Variants in MAP3K13 observed in about 807,000 individuals in gnomAD.
MAP3K13 encodes the protein leucine zipper-bearing kinase.
MAP3K13 carries 52 observed loss-of-function variants against 104.0 expected under a neutral mutation model. That is an observed-to-expected ratio of 0.50 (90% CI 0.40 to 0.63). The LOEUF (loss-of-function observed/expected upper bound fraction) is 0.63. Ranked by LOEUF, MAP3K13 falls within the 20% of genes least tolerant of loss-of-function variation. MAP3K13 has a pLI of 0.00. For synonymous variants in MAP3K13, 394 were observed against 442.2 expected (o/e 0.89, Z 1.37); for missense variants, 914 against 1,218.5 (o/e 0.75, Z 3.72).
intron 2 of MAP3K13, among the ~76,000 whole-genome samples, chr3:185,307,547 T>TCCCCCC (rs1560041671): frequency 9.1e-6 from 1 of 110,230 alleles, no homozygotes; most frequent in African/African-American, 4.1e-5. Context: ...CACCACCCCC[T>TCCCCCC]CCCCCGCCAC....
intron 1 of MAP3K13, among the ~76,000 whole-genome samples, chr3:185,407,989 A>G (rs1276481062): frequency 7.1e-6 from 1 of 141,602 alleles, no homozygotes; most frequent in Non-Finnish European, 1.5e-5. Flanking sequence ...TGATCCTCCC[A>G]CCTCGGCCTC....
intron 7 of MAP3K13, among the ~76,000 whole-genome samples, chr3:185,452,489 G>A (rs1332904043): frequency 1.3e-5 from 2 of 152,022 alleles, no homozygotes; most frequent in Non-Finnish European, 2.9e-5. Context: ...TCCCTGCCTC[G>A]GCCTCCCAAA....
At chr3:185,460,359 T>C (rs1717026625) in intron 7 of MAP3K13, among the ~76,000 whole-genome samples, 2 of 152,234 alleles carry the variant, frequency 1.3e-5, no homozygotes, top group Non-Finnish European at 2.9e-5. Context: ...TAGCCTCTTA[T>C]CAATACTGTG....
At chr3:185,346,774 A>G (rs1327242703) in intron 2 of MAP3K13, among the ~76,000 whole-genome samples, 1 of 152,134 alleles carries the variant, frequency 6.6e-6, no homozygotes, top group Non-Finnish European at 1.5e-5. Context: ...AGCCATCAGC[A>G]GTGTATAAGA....
intron 2 of MAP3K13, among the ~76,000 whole-genome samples, chr3:185,337,742 A>T (rs1722563755): frequency 6.6e-6 from 1 of 152,046 alleles, no homozygotes. Flanking sequence ...TTATAATCAG[A>T]AGGTTTAAGA....
rs1721633698 is a variant in MAP3K13 at position 185,315,184 on chromosome 3, A to G, written c.-86+29541A>G. On this transcript the variant is annotated intron_variant, in intron 2 of 14. Transcript: ENST00000424227. This position sits in a 1 kb window ranked among gnomAD's most constrained non-coding sequence, Gnocchi z 4.3. ...AGAATTGCTTGAACCTGGGAGGCGG[A>G]GGTTGCAGTGAGCTGAGATCGCACC... 6.6e-6 allele frequency among the ~76,000 whole-genome samples: 1 copy of G among 152,128 alleles called. No individual in the cohort carries two copies. The highest frequency in any genetic ancestry group is 2.1e-4 in the South Asian group (1 of 4,830).
chr3:185,336,119 A>C (rs1325447684), intron 2 of MAP3K13, among the ~76,000 whole-genome samples: 1 of 152,216 alleles, frequency 6.6e-6, no homozygotes, highest in Non-Finnish European at 1.5e-5. Flanking sequence ...GAAGTAGGAG[A>C]GGAACCAGAA....
rs1179292362 is a variant in MAP3K13 at position 185,455,237 on chromosome 3, TATATATATG to T, written c.1278+3853_1278+3861del. On this transcript the variant is annotated intron_variant, in intron 7 of 13. Coordinates refer to ENST00000265026, the MANE Select transcript of MAP3K13 (RefSeq NM_004721.5). The stretch of plus-strand genomic sequence containing the variant: ...AGATATATATATGATATATATGAGA[TATATATATG>T]ATATATATGAGATATATGAGATATA... Among the ~76,000 whole-genome samples, 130 of 47,516 alleles carry T rather than the reference TATATATATG, an allele frequency of 2.7e-3. 3 individuals are homozygous for T. The highest frequency in any genetic ancestry group is 8.2e-3 in the African/African-American group (121 of 14,688). 31.2% of individuals were successfully genotyped at this position (47,516 alleles called of 152,430 possible). A position where few individuals can be genotyped will look rare whatever the true frequency, so the allele number is the denominator to read the frequency against.
At position 185,450,047 on chromosome 3, in the gene MAP3K13, G is replaced by A. The variant is rs914886931; in HGVS notation, c.1158G>A (p.Met386Ile). The A allele has an allele frequency of 6.2e-7, 1 of 1,609,972 alleles. No homozygotes were observed. The highest frequency in any genetic ancestry group is 1.3e-5 in the African/African-American group (1 of 74,566). The change falls in exon 6 of 14, where the codon ATG becomes ATA. Residue 386 changes from methionine (M) to isoleucine (I), a missense_variant. By Grantham distance (10) the Met-to-Ile change is conservative. This residue lies in a region of MAP3K13 where 175 missense variants were observed against 321.3 expected (regional missense o/e 0.54). Transcript: ENST00000265026. This position sits in a 1 kb window ranked among gnomAD's most constrained non-coding sequence, Gnocchi z 4.2. ...GCCCTGATGGATTCAAAATCCTTATGAAACAGACGTGGTAAGAATATTGTC... is the reference window on the plus strand; with the variant it reads ...GCCCTGATGGATTCAAAATCCTTATAAAACAGACGTGGTAAGAATATTGTC... Reference protein sequence around the residue: ...STCPDGFKILMKQTWQSKPRN... With the variant: ...STCPDGFKILIKQTWQSKPRN...
intron 2 of MAP3K13, among the ~76,000 whole-genome samples, chr3:185,286,155 T>TA (rs558343251): frequency 2.0e-5 from 3 of 152,080 alleles, no homozygotes; most frequent in Admixed American, 1.3e-4. Context: ...CTTCTTCTTT[T>TA]AAAAAAAATT....
chr3:185,308,009 CTTTTTT>C (rs33949195), intron 2 of MAP3K13, among the ~76,000 whole-genome samples: 1 of 31,566 alleles, frequency 3.2e-5, no homozygotes, highest in Non-Finnish European at 5.7e-5. Flanking sequence ...TCTTTGGGGT[CTTTTTT>C]TTTTTTTTTT....
intron 1 of MAP3K13, among the ~76,000 whole-genome samples, chr3:185,375,935 G>A (rs1440949444): frequency 6.6e-6 from 1 of 152,172 alleles, no homozygotes; most frequent in Non-Finnish European, 1.5e-5. Flanking sequence ...CTTTGCAAGA[G>A]TGAGAGCTCA....
chr3:185,291,562 A>G, intron 2 of MAP3K13: 1 of 1,475,112 alleles, frequency 6.8e-7, no homozygotes, highest in Non-Finnish European at 8.9e-7. Flanking sequence ...TCCCTTAAAA[A>G]AATTATTAGA....
chr3:185,384,981 T>A (rs1711597926), intron 1 of MAP3K13, among the ~76,000 whole-genome samples: 1 of 152,246 alleles, frequency 6.6e-6, no homozygotes, highest in Non-Finnish European at 1.5e-5. Context: ...TTTTGTTTAC[T>A]GTGCTTTTGA....
intron 1 of MAP3K13, among the ~76,000 whole-genome samples, chr3:185,376,614 G>C (rs915430330): frequency 6.6e-6 from 1 of 152,062 alleles, no homozygotes; most frequent in African/African-American, 2.4e-5. Flanking sequence ...GGAAAGGGGA[G>C]TAGGGAAAGG....
rs1722588107 is a variant in MAP3K13, at chr3:185,338,320, A to G, written c.-86+52677A>G. Among the ~76,000 whole-genome samples the G allele has an allele frequency of 1.4e-5, 2 of 139,400 alleles. 1 individual carries two copies. Among genetic ancestry groups the G allele is most frequent in the African/African-American group, 5.5e-5 (2 of 36,226 alleles). The allele number at this position is 139,400 out of a possible 152,430, so 91.5% of individuals were successfully genotyped here. ...ATTCCAGCCTGGGTGACAGAGTGAG[A>G]CTCTCTCAAAAAAAAAAAAAAAAAA... is the stretch of plus-strand genomic sequence containing the variant. On this transcript the variant is annotated intron_variant, in intron 2 of 14. Coordinates refer to the MAP3K13 transcript ENST00000424227.
chr3:185,332,320 G>A (rs890564709), intron 2 of MAP3K13, among the ~76,000 whole-genome samples: 5 of 151,974 alleles, frequency 3.3e-5, no homozygotes, highest in Non-Finnish European at 7.4e-5. Flanking sequence ...GTTAAATAAT[G>A]GTTTCAGCAT....
chr3:185,413,504 T>G (rs772807238), intron 1 of MAP3K13, among the ~76,000 whole-genome samples: 6 of 152,176 alleles, frequency 3.9e-5, no homozygotes, highest in Non-Finnish European at 8.8e-5. Flanking sequence ...TATTGGATGA[T>G]GCAAGTATAG....
chr3:185,415,381 C>T (rs1331722433), intron 1 of MAP3K13, among the ~76,000 whole-genome samples: 3 of 151,672 alleles, frequency 2.0e-5, no homozygotes, highest in Non-Finnish European at 4.4e-5. Flanking sequence ...TGGTCTTGAA[C>T]TCCTGGGCTC....
Sources: allele counts gnomAD v4.1 joint callset (sites outside exome capture counted in the v4.1 genomes callset), GRCh38; gene constraint gnomAD v4.1.1; regional missense constraint gnomAD v4.1.1; non-coding constraint Gnocchi (gnomAD v3.1); transcripts MANE v1.5; gene names NCBI Gene and HGNC (gene_info 2026-07-23, HGNC 2026-07-21).